KCMF1: variants seen among roughly 807,000 people sequenced by gnomAD.
KCMF1 encodes the protein E3 ubiquitin-protein ligase KCMF1.
Under a neutral mutation model 41.1 loss-of-function variants are expected in KCMF1, and 3 were observed. The ratio of observed to expected loss-of-function variants is 0.07; its 90% CI spans 0.03 to 0.19. The LOEUF (loss-of-function observed/expected upper bound fraction) is 0.19. Among genes scored for constraint, KCMF1 ranks in the 10% least tolerant of loss-of-function variants. The pLI, the probability that KCMF1 is intolerant of heterozygous loss-of-function variation, is 1.00. For synonymous variants in KCMF1, 142 were observed against 164.5 expected (o/e 0.86, Z 1.04); for missense variants, 286 against 488.9 (o/e 0.58, Z 3.91).
rs1248093729 is a variant in KCMF1 at position 85,055,827 on chromosome 2, C to G, written c.*2418C>G. 1 of 152,100 alleles carries G rather than the reference C, an allele frequency of 6.6e-6. No individual in the cohort carries two copies. The highest frequency in any genetic ancestry group is 2.4e-5 in the African/African-American group (1 of 41,400). The allele number at this position is 152,100 out of a possible 1,614,324, so 9.4% of individuals were successfully genotyped here. A position where few individuals can be genotyped will look rare whatever the true frequency, so the allele number is the denominator to read the frequency against. The stretch of plus-strand genomic sequence containing the variant: ...CAAAATATACCACTGTTTATTTTGG[C>G]AGCACCTTCAAATTTCTAAGGACCA... On this transcript the variant is annotated 3_prime_UTR_variant, in exon 7 of 7. Coordinates refer to ENST00000409785, the MANE Select transcript of KCMF1 (RefSeq NM_020122.5).
chr2:85,035,343 CCT>C (rs992307764), intron 3 of KCMF1, among the ~76,000 whole-genome samples, 188 bp downstream of exon 3: 6 of 152,252 alleles, frequency 3.9e-5, no homozygotes, highest in Admixed American at 2.0e-4. Flanking sequence ...CAAAATAATA[CCT>C]CTTACTGTCC....
At chr2:85,031,188 T>C (rs1675258526) in intron 2 of KCMF1, among the ~76,000 whole-genome samples, 1 of 152,262 alleles carries the variant, frequency 6.6e-6, no homozygotes, top group African/African-American at 2.4e-5. Context: ...ACTAGGATTT[T>C]GAATGGAATT....
chr2:85,053,377 A>G lies in KCMF1; in HGVS notation c.1114A>G (p.Lys372Glu). 1.9e-6 allele frequency: 3 copies of G among 1,613,256 alleles called. No individual in the cohort carries two copies. The highest frequency in any genetic ancestry group is 2.5e-6 in the Non-Finnish European group (3 of 1,179,508). ...AAACCTAAATTTAAAAGAGAGTAAT[A>G]AAGGAAATGAGCCTCCACCACCTCC... ...LENLNLKESNKGNEPPPPPL is the reference protein window; with the variant it reads ...LENLNLKESNEGNEPPPPPL The change falls in exon 7 of 7, where the codon AAA becomes GAA. Residue 372 changes from lysine (K) to glutamate (E), a missense_variant. Around this residue, in one of 2 missense-constraint regions of KCMF1, gnomAD observed 191 missense variants for 279.3 expected, o/e 0.68. Coordinates refer to ENST00000409785, the MANE Select transcript of KCMF1 (RefSeq NM_020122.5).
At chr2:85,027,822 A>G in intron 1 of KCMF1, 67 bp from the exon 2 acceptor site, 1 of 969,800 alleles carries the variant, frequency 1.0e-6, no homozygotes, top group Non-Finnish European at 1.5e-6. Flanking sequence ...CACCTGAAAC[A>G]TTCATAAAAA....
chr2:84,981,015 G>A (rs974128618), intron 1 of KCMF1, among the ~76,000 whole-genome samples: 2 of 151,608 alleles, frequency 1.3e-5, no homozygotes, highest in African/African-American at 4.8e-5. Context: ...GGGGGTACTG[G>A]CAAAGAAGTA....
At chr2:85,045,256 G>GTA (rs59906018) in intron 4 of KCMF1, among the ~76,000 whole-genome samples, 11 of 151,126 alleles carry the variant, frequency 7.3e-5, no homozygotes, top group African/African-American at 2.7e-4. Context: ...ATATATATAT[G>GTA]TATATATAAT....
At chr2:85,039,410 A>G (rs1006837564) in intron 3 of KCMF1, among the ~76,000 whole-genome samples, 6 of 152,118 alleles carry the variant, frequency 3.9e-5, no homozygotes, top group Non-Finnish European at 8.8e-5. Context: ...TTGTATGGGG[A>G]AAAATGTGTG....
chr2:85,007,811 G>T (rs1674509230), intron 1 of KCMF1, among the ~76,000 whole-genome samples: 1 of 152,202 alleles, frequency 6.6e-6, no homozygotes, highest in Non-Finnish European at 1.5e-5. Context: ...TCGTCACCCA[G>T]TCTGGAGTGC....
intron 6 of KCMF1, among the ~76,000 whole-genome samples, chr2:85,052,332 A>G (rs1472899782): frequency 6.6e-6 from 1 of 152,128 alleles, no homozygotes; most frequent in Non-Finnish European, 1.5e-5. Context: ...TGGCCTCCCA[A>G]AGTGCTGGGA....
At chr2:85,026,752 T>G (rs1675118140) in intron 1 of KCMF1, among the ~76,000 whole-genome samples, 1 of 152,110 alleles carries the variant, frequency 6.6e-6, no homozygotes, top group Non-Finnish European at 1.5e-5. Context: ...CTTGCCAAAG[T>G]GCTTGGGATT....
intron 1 of KCMF1, among the ~76,000 whole-genome samples, chr2:85,021,166 T>G (rs1674927220): frequency 6.6e-6 from 1 of 152,226 alleles, no homozygotes; most frequent in Non-Finnish European, 1.5e-5. Flanking sequence ...TTGTTGAATT[T>G]GCTGAAAAAT....
At chr2:84,971,607 C>A (rs1188332123) in intron 1 of KCMF1, 140 bp downstream of exon 1, 5 of 291,172 alleles carry the variant, frequency 1.7e-5, no homozygotes, top group Admixed American at 1.2e-4. Context: ...GACCCGGGAG[C>A]GAGCGAGCGA....
chr2:85,058,394 A>T lies in KCMF1; in HGVS notation c.*4985A>T, dbSNP rs1481419236. On this transcript the variant is annotated 3_prime_UTR_variant, in exon 7 of 7. Coordinates refer to ENST00000409785, the MANE Select transcript of KCMF1 (RefSeq NM_020122.5). ...GAGACTCTCCTCAAAACAAAAAAAA[A>T]AGAAAGAAAACCCATGTGGGCCGCA... is the stretch of plus-strand genomic sequence containing the variant. 6.6e-6 allele frequency: 1 copy of T among 152,136 alleles called. No individual in the cohort carries two copies. The highest frequency in any genetic ancestry group is 1.9e-4 in the East Asian group (1 of 5,178). 9.4% of individuals were successfully genotyped at this position (152,136 alleles called of 1,614,324 possible). A position where few individuals can be genotyped will look rare whatever the true frequency, so the allele number is the denominator to read the frequency against.
intron 1 of KCMF1, among the ~76,000 whole-genome samples, chr2:84,984,480 T>C (rs780308383): frequency 6.6e-6 from 1 of 152,164 alleles, no homozygotes; most frequent in Non-Finnish European, 1.5e-5. Flanking sequence ...TTTTAACATA[T>C]ACTGGTTTCA....
intron 1 of KCMF1, among the ~76,000 whole-genome samples, chr2:85,026,482 T>C (rs1419226286): frequency 1.4e-5 from 2 of 146,578 alleles, no homozygotes; most frequent in Non-Finnish European, 3.0e-5. Flanking sequence ...TTATTATTAT[T>C]ATTATTATTA....
rs1006815565 is a variant in KCMF1, at chr2:85,059,165, T to G, written c.*5756T>G. The stretch of plus-strand genomic sequence containing the variant: ...CATTTAATTTTGCCCACGAGAACCT[T>G]TCATGACAATTAACAAGACACTAGT... On this transcript the variant is annotated 3_prime_UTR_variant, in exon 7 of 7. Transcript: ENST00000409785. 1 of 152,160 alleles carries G rather than the reference T, an allele frequency of 6.6e-6. No homozygotes were observed. Among genetic ancestry groups the G allele is most frequent in the African/African-American group, 2.4e-5 (1 of 41,444 alleles). 9.4% of individuals were successfully genotyped at this position (152,160 alleles called of 1,614,324 possible).
intron 1 of KCMF1, among the ~76,000 whole-genome samples, chr2:84,979,061 T>A (rs187590756): frequency 8.7e-4 from 132 of 152,148 alleles, no homozygotes; most frequent in African/African-American, 3.1e-3. Context: ...TTGGCCAGGC[T>A]CGTCTCGAAC....
intron 1 of KCMF1, among the ~76,000 whole-genome samples, chr2:85,017,400 A>G (rs1429670896): frequency 1.3e-5 from 2 of 152,144 alleles, no homozygotes; most frequent in African/African-American, 4.8e-5. Flanking sequence ...GAGATTGTCT[A>G]TCATTTAATA....
At chr2:85,052,029 ATAGT>A (rs1314706031) in intron 6 of KCMF1, among the ~76,000 whole-genome samples, 3 of 152,190 alleles carry the variant, frequency 2.0e-5, no homozygotes, top group African/African-American at 7.2e-5. Flanking sequence ...GAAGTCCAAG[ATAGT>A]TGACCTTTTA....
Sources: allele counts gnomAD v4.1 joint callset (sites outside exome capture counted in the v4.1 genomes callset), GRCh38; gene constraint gnomAD v4.1.1; regional missense constraint gnomAD v4.1.1; transcripts MANE v1.5; gene names NCBI Gene and HGNC (gene_info 2026-07-23, HGNC 2026-07-21).